Variants in OGFR observed in about 807,000 individuals in gnomAD.
The protein encoded by OGFR is opioid growth factor receptor.
A neutral mutation model predicts 33.6 loss-of-function variants in OGFR; 18 were observed. The ratio of observed to expected loss-of-function variants is 0.54; its 90% CI spans 0.37 to 0.80. The LOEUF (loss-of-function observed/expected upper bound fraction) is 0.80, where lower values mean the gene tolerates loss of function less well. Among genes scored for constraint, OGFR ranks in the 30% least tolerant of loss-of-function variants. The pLI, the probability that OGFR is intolerant of heterozygous loss-of-function variation, is 0.00. For missense variants in OGFR, 877 were observed against 955.8 expected (o/e 0.92, Z 1.09); for synonymous variants, 370 against 400.7 (o/e 0.92, Z 0.91).
rs1476134833 is a variant in OGFR at position 62,808,241 on chromosome 20, C to T, written c.241-6C>T. On this transcript the variant is annotated splice_polypyrimidine_tract_variant and splice_region_variant and intron_variant, in intron 2 of 6. Transcript: ENST00000290291. ...TCCCTGCTGTCCCCTTTCTCTGGCTCTTCAGGATCTGGTGGAACGAGACTG... is the reference window on the plus strand; with the variant it reads ...TCCCTGCTGTCCCCTTTCTCTGGCTTTTCAGGATCTGGTGGAACGAGACTG... The T allele has an allele frequency of 8.1e-6, 13 of 1,611,676 alleles. No individual in the cohort carries two copies. Among genetic ancestry groups the T allele is most frequent in the East Asian group, 2.2e-5 (1 of 44,874 alleles).
Position 62,810,555 on chromosome 20 carries a change from G to T in OGFR, c.455G>T (p.Arg152Met). 6.2e-7 allele frequency: 1 copy of T among 1,612,832 alleles called. No individual in the cohort carries two copies. The highest frequency in any genetic ancestry group is 1.1e-5 in the South Asian group (1 of 91,060). The change falls in exon 5 of 7, where the codon AGG becomes ATG. Residue 152 changes from arginine (R) to methionine (M), a missense_variant. Coordinates refer to ENST00000290291, the MANE Select transcript of OGFR (RefSeq NM_007346.4). ...VNWHAKPLTL[R>M]EVEVFKSSQE... Reference sequence around the variant, plus strand: ...TGGCATGCCAAGCCCCTCACGCTCAGGGAGGTCGAGGTGAGCCAGGCCTTG... The same window carrying T: ...TGGCATGCCAAGCCCCTCACGCTCATGGAGGTCGAGGTGAGCCAGGCCTTG...
Position 62,805,036 on chromosome 20 carries a change from GC to G in OGFR, c.171+10del. On this transcript the variant is annotated splice_region_variant and intron_variant, in intron 1 of 6. Transcript: ENST00000290291. The stretch of plus-strand genomic sequence containing the variant: ...CGCGGCCCAGCTCGTTCCAGGTGCG[GC>G]CCCGCGGCGCGGAAGAGGCCTGGGG... 1 of 1,359,330 alleles carries G rather than the reference GC, an allele frequency of 7.4e-7. No individual in the cohort carries two copies. 84.2% of individuals were successfully genotyped at this position (1,359,330 alleles called of 1,614,324 possible).
chr20:62,812,217 G>T lies in OGFR; in HGVS notation c.615-13G>T. On this transcript the variant is annotated splice_polypyrimidine_tract_variant and intron_variant, in intron 6 of 6. Coordinates refer to ENST00000290291, the MANE Select transcript of OGFR (RefSeq NM_007346.4). ...CCCAGCCATTGACCTCTCCTGACCC[G>T]GATCTCTCGCAGGCGCAGCCACAAC... 1 of 1,487,942 alleles carries T rather than the reference G, an allele frequency of 6.7e-7. No individual in the cohort carries two copies. The highest frequency in any genetic ancestry group is 1.4e-5 in the South Asian group (1 of 73,776). The allele number at this position is 1,487,942 out of a possible 1,614,324, so 92.2% of individuals were successfully genotyped here.
Position 62,812,674 on chromosome 20 carries a change from G to A in OGFR, c.1059G>A (p.Gln353=). ...EGPQPRSVEP[Q]DAGPLERSQG... ...CCCAGCCACGGAGCGTGGAGCCCCA[G>A]GATGCGGGACCCCTGGAGAGGAGCC... is the stretch of plus-strand genomic sequence containing the variant. The change falls in exon 7 of 7, where the codon CAG becomes CAA. Residue 353 remains glutamine (Q), a synonymous_variant. Coordinates refer to ENST00000290291, the MANE Select transcript of OGFR (RefSeq NM_007346.4). 2 of 1,568,314 alleles carry A rather than the reference G, an allele frequency of 1.3e-6. No individual in the cohort carries two copies. The highest frequency in any genetic ancestry group is 1.7e-6 in the Non-Finnish European group (2 of 1,157,152).
At position 62,812,418 on chromosome 20, in the gene OGFR, G is replaced by A. The variant is rs752351031; in HGVS notation, c.803G>A (p.Arg268His). The A allele has an allele frequency of 5.7e-6, 9 of 1,579,150 alleles. No homozygotes were observed. Among genetic ancestry groups the A allele is most frequent in the Non-Finnish European group, 6.0e-6 (7 of 1,163,690 alleles). Residue 268 changes from arginine to histidine, a missense_variant, in exon 7 of 7, where the codon CGC (arginine) becomes CAC (histidine). This residue lies in a region of OGFR where 760 missense variants were observed against 736.0 expected (regional missense o/e 1.03). Transcript: ENST00000290291. ...MFAVRCRHQR[R>H]QLVHFAWEHF... Reference sequence around the variant, plus strand: ...GCCGTGCGCTGCCGACACCAGCGCCGCCAGCTGGTGCACTTCGCCTGGGAG... The same window carrying A: ...GCCGTGCGCTGCCGACACCAGCGCCACCAGCTGGTGCACTTCGCCTGGGAG...
At chr20:62,807,337 C>T (rs771028747) in intron 1 of OGFR, 200 bp from the exon 2 acceptor site, 54 of 609,138 alleles carry the variant, frequency 8.9e-5, no homozygotes, top group Middle Eastern at 7.9e-4. Flanking sequence ...TATTGGGATG[C>T]GTTACTGAGG....
At chr20:62,808,387 C>A (rs1317521362) in intron 3 of OGFR, 62 bp downstream of exon 3, 1 of 1,268,676 alleles carries the variant, frequency 7.9e-7, no homozygotes, top group African/African-American at 1.5e-5. Context: ...GGGTGGTCCA[C>A]TGGGCCCTGG....
intron 1 of OGFR, chr20:62,806,017 C>T (rs1261252861): frequency 6.5e-6 from 1 of 152,812 alleles, no homozygotes; most frequent in East Asian, 1.9e-4. Context: ...CTCCCCTTCC[C>T]CTTTGGACCC....
intron 4 of OGFR, 70 bp downstream of exon 4, chr20:62,809,733 C>A (rs562335877): frequency 2.4e-6 from 3 of 1,248,958 alleles, no homozygotes; most frequent in Non-Finnish European, 3.5e-6. Flanking sequence ...CAGGCAGGAG[C>A]CCTCCCGACG....
Position 62,811,626 on chromosome 20 carries a change from T to TTGCCCC in OGFR, c.614+16_614+17insTGCCCC. 2 of 1,502,470 alleles carry TTGCCCC rather than the reference T, an allele frequency of 1.3e-6. No individual in the cohort carries two copies. Among genetic ancestry groups the TTGCCCC allele is most frequent in the Non-Finnish European group, 9.0e-7 (1 of 1,110,080 alleles). The allele number at this position is 1,502,470 out of a possible 1,614,324, so 93.1% of individuals were successfully genotyped here. A position where few individuals can be genotyped will look rare whatever the true frequency, so the allele number is the denominator to read the frequency against. On this transcript the variant is annotated intron_variant, in intron 6 of 6. Transcript: ENST00000290291. ...ACCTGAACTGGTGAGGCCCGGCTGCTCCCGCCCACCCCCACCCCGGCGCAG... is the reference window on the plus strand; with the variant it reads ...ACCTGAACTGGTGAGGCCCGGCTGCTTGCCCCCCCGCCCACCCCCACCCCGGCGCAG...
chr20:62,807,759 G>C, intron 2 of OGFR, 154 bp downstream of exon 2: 1 of 713,712 alleles, frequency 1.4e-6, no homozygotes, highest in Admixed American at 2.7e-5. Flanking sequence ...GCCTGGTATA[G>C]ATTCAGAGCC....
intron 2 of OGFR, 146 bp downstream of exon 2, chr20:62,807,751 C>G (rs1184405601): frequency 3.9e-6 from 3 of 766,034 alleles, no homozygotes; most frequent in Non-Finnish European, 4.3e-6. Context: ...GGGGCACAGC[C>G]TGGTATAGAT....
At chr20:62,809,305 T>C (rs375909567) in intron 3 of OGFR, among the ~76,000 whole-genome samples, 2 of 152,210 alleles carry the variant, frequency 1.3e-5, no homozygotes, top group African/African-American at 4.8e-5. Context: ...GGACCAGTGG[T>C]TCCCCCAGAG....
intron 4 of OGFR, 56 bp downstream of exon 4, chr20:62,809,719 C>G: frequency 1.5e-6 from 2 of 1,363,280 alleles, no homozygotes; most frequent in Non-Finnish European, 2.1e-6. Context: ...GGGGAGGGCC[C>G]TCCCAGGCAG....
Position 62,808,344 on chromosome 20 carries a change from C to G in OGFR, c.319+19C>G, listed in dbSNP as rs41282978. 198,479 of 1,596,682 alleles carry G rather than the reference C, an allele frequency of 0.12. 13,195 individuals carry two copies. Among genetic ancestry groups the G allele is most frequent in the Middle Eastern group, 0.18 (1,109 of 6,030 alleles). On this transcript the variant is annotated intron_variant, in intron 3 of 6. Coordinates refer to ENST00000290291, the MANE Select transcript of OGFR (RefSeq NM_007346.4). ...CCCAACGGTAGGTGCCTCACAACCA[C>G]TGGCAGCCGGCGCTTCCATCCTTGC...
rs1033481518 is a variant in OGFR, at chr20:62,805,392, C to CCTGGGGCTGGAG, written c.171+372_171+373insAGCTGGGGCTGG. On this transcript the variant is annotated intron_variant, in intron 1 of 6. Coordinates refer to ENST00000290291, the MANE Select transcript of OGFR (RefSeq NM_007346.4). ...GGCGGCCCCTGCGCAGGCCCCGCGG[C>CCTGGGGCTGGAG]CTGGGGCTGGGGCTGGGGCTGGGGC... The CCTGGGGCTGGAG allele has an allele frequency of 9.9e-3, 1,536 of 154,594 alleles. 15 individuals carry two copies. Among genetic ancestry groups the CCTGGGGCTGGAG allele is most frequent in the South Asian group, 0.044 (248 of 5,698 alleles). The allele number at this position is 154,594 out of a possible 1,614,324, so 9.6% of individuals were successfully genotyped here.
Position 62,811,626 on chromosome 20 carries a change from T to TGGCCGCCC in OGFR, c.614+16_614+17insGGCCGCCC. The TGGCCGCCC allele has an allele frequency of 6.7e-7, 1 of 1,502,508 alleles. No homozygotes were observed. The allele number at this position is 1,502,508 out of a possible 1,614,324, so 93.1% of individuals were successfully genotyped here. A position where few individuals can be genotyped will look rare whatever the true frequency, so the allele number is the denominator to read the frequency against. ...ACCTGAACTGGTGAGGCCCGGCTGC[T>TGGCCGCCC]CCCGCCCACCCCCACCCCGGCGCAG... On this transcript the variant is annotated intron_variant, in intron 6 of 6. Transcript: ENST00000290291.
At chr20:62,805,386 C>T (rs1221316626) in intron 1 of OGFR, 1 of 152,250 alleles carries the variant, frequency 6.6e-6, no homozygotes, top group Non-Finnish European at 1.4e-5. Flanking sequence ...TGCGCAGGCC[C>T]CGCGGCCTGG....
chr20:62,812,151 G>A, intron 6 of OGFR, 79 bp from the exon 7 acceptor site: 3 of 1,288,556 alleles, frequency 2.3e-6, no homozygotes, highest in Non-Finnish European at 3.1e-6. Context: ...GAGCCGGGTG[G>A]GAGGGCAGGC....
Sources: gnomAD v4.1 joint callset for allele counts (sites outside exome capture counted in the v4.1 genomes callset) on GRCh38, gnomAD v4.1.1 for gene constraint, gnomAD v4.1.1 regional missense constraint, MANE v1.5 for transcripts, NCBI Gene and HGNC (gene_info 2026-07-23, HGNC 2026-07-21) for gene names.